PTPRD: variants seen among roughly 807,000 people sequenced by gnomAD.
PTPRD encodes the protein protein tyrosine phosphatase receptor type D.
In PTPRD, 34 loss-of-function variants were observed where a neutral mutation model predicts 214.5. The ratio of observed to expected loss-of-function variants is 0.16; its 90% CI spans 0.12 to 0.21. The LOEUF is 0.21. Among genes scored for constraint, PTPRD ranks in the 10% least tolerant of loss-of-function variants. The pLI, the probability that PTPRD is intolerant of heterozygous loss-of-function variation, is 1.00. For synonymous variants in PTPRD, 1,128 were observed against 845.7 expected, an observed-to-expected ratio of 1.33 and a Z score of -5.79; for missense variants, 2,545 against 2,398.7, an observed-to-expected ratio of 1.06 and a Z score of -1.27.
At chr9:9,097,364 G>A (rs2099785007) in intron 10 of PTPRD, among the ~76,000 whole-genome samples, 1 of 151,672 alleles carries the variant, frequency 6.6e-6, no homozygotes, top group Non-Finnish European at 1.5e-5. Context: ...CTGGAGGAAG[G>A]GTTTAAAGAG....
chr9:8,682,607 G>T (rs1205988884), intron 12 of PTPRD, among the ~76,000 whole-genome samples: 2 of 152,104 alleles, frequency 1.3e-5, no homozygotes, highest in Admixed American at 1.3e-4. Flanking sequence ...GCAATTTGTT[G>T]TTAGCAGTTA....
chr9:10,516,353 T>C (rs892236052), intron 2 of PTPRD, among the ~76,000 whole-genome samples: 1 of 151,974 alleles, frequency 6.6e-6, no homozygotes, highest in Admixed American at 6.6e-5. Flanking sequence ...ATATATCTGT[T>C]AGCCATTTTT....
chr9:9,576,777 T>C (rs927523260), intron 7 of PTPRD, among the ~76,000 whole-genome samples: 1 of 152,126 alleles, frequency 6.6e-6, no homozygotes, highest in Non-Finnish European at 1.5e-5. Context: ...AGCTTTAAGG[T>C]TTTAACATTA....
At chr9:10,539,477 G>A (rs971151185) in intron 2 of PTPRD, among the ~76,000 whole-genome samples, 2 of 152,250 alleles carry the variant, frequency 1.3e-5, no homozygotes, top group African/African-American at 2.4e-5. Context: ...GAGCCACCAC[G>A]CCTGGCCTGT....
chr9:10,329,102 T>A (rs1597246107), intron 3 of PTPRD, among the ~76,000 whole-genome samples: 1 of 151,938 alleles, frequency 6.6e-6, no homozygotes, highest in East Asian at 2.0e-4. Context: ...ATAGTTGTTT[T>A]TCTGTTGAAT....
At chr9:9,664,448 C>T (rs545539939) in intron 7 of PTPRD, among the ~76,000 whole-genome samples, 2 of 151,734 alleles carry the variant, frequency 1.3e-5, no homozygotes, top group South Asian at 4.1e-4. Context: ...TCGTAAGAAA[C>T]CAGATCTGAC....
intron 9 of PTPRD, among the ~76,000 whole-genome samples, chr9:9,226,949 G>A (rs75112722): frequency 0.025 from 3,731 of 151,970 alleles, 135 homozygotes; most frequent in African/African-American, 0.072. Flanking sequence ...TACTAAAGGA[G>A]GACTTTAATT....
chr9:9,875,001 G>C (rs2066455824), intron 5 of PTPRD, among the ~76,000 whole-genome samples: 1 of 152,108 alleles, frequency 6.6e-6, no homozygotes, highest in Non-Finnish European at 1.5e-5. Flanking sequence ...ACAATCACTT[G>C]TTTCCTGCTA....
intron 10 of PTPRD, among the ~76,000 whole-genome samples, chr9:9,107,215 C>T (rs2099799874): frequency 1.3e-5 from 2 of 152,072 alleles, no homozygotes; most frequent in South Asian, 4.1e-4. Flanking sequence ...AAAAGCCAGA[C>T]TTTGAAATAA....
At chr9:8,326,856 T>C (rs1229420705) in intron 44 of PTPRD, among the ~76,000 whole-genome samples, 28 of 147,560 alleles carry the variant, frequency 1.9e-4, no homozygotes, top group African/African-American at 6.4e-4. Context: ...GAGGTGTTGA[T>C]AGTATTCTCT....
At chr9:10,321,447 C>G (rs2096550791) in intron 3 of PTPRD, among the ~76,000 whole-genome samples, 1 of 151,590 alleles carries the variant, frequency 6.6e-6, no homozygotes, top group African/African-American at 2.4e-5. Context: ...ACTGAGGGGA[C>G]CAAAGAAACA....
chr9:8,931,995 G>A (rs2098956127), intron 11 of PTPRD, among the ~76,000 whole-genome samples: 1 of 152,162 alleles, frequency 6.6e-6, no homozygotes, highest in Non-Finnish European at 1.5e-5. Flanking sequence ...ATTTCTTTGG[G>A]ATCAGTGGTG....
intron 9 of PTPRD, among the ~76,000 whole-genome samples, chr9:9,214,815 A>G (rs2099951089): frequency 6.6e-6 from 1 of 152,148 alleles, no homozygotes; most frequent in African/African-American, 2.4e-5. Context: ...TAACTCATGT[A>G]GTTGTCTCAG....
chr9:9,594,323 G>A (rs999299888), intron 7 of PTPRD, among the ~76,000 whole-genome samples: 2 of 151,884 alleles, frequency 1.3e-5, no homozygotes, highest in Non-Finnish European at 2.9e-5. Flanking sequence ...TTGCTTTTGG[G>A]TTCTTGGTCA....
At chr9:9,649,601 G>A (rs1003366819) in intron 7 of PTPRD, among the ~76,000 whole-genome samples, 34 of 152,158 alleles carry the variant, frequency 2.2e-4, no homozygotes, top group African/African-American at 8.2e-4. Context: ...AAATATCACT[G>A]CCTTAGAGCA....
chr9:10,095,013 C>G (rs190592179), intron 3 of PTPRD, among the ~76,000 whole-genome samples: 2 of 151,242 alleles, frequency 1.3e-5, no homozygotes, highest in East Asian at 3.9e-4. Context: ...AACTTCTAAG[C>G]GGGGTATTAC....
intron 3 of PTPRD, among the ~76,000 whole-genome samples, chr9:10,169,217 G>A (rs2154295847): frequency 6.6e-6 from 1 of 152,232 alleles, no homozygotes; most frequent in East Asian, 1.9e-4. Flanking sequence ...GCTCACGCCT[G>A]TAATCCCAGC....
intron 11 of PTPRD, among the ~76,000 whole-genome samples, chr9:8,980,874 C>A (rs970503972): frequency 6.6e-6 from 1 of 152,044 alleles, no homozygotes; most frequent in African/African-American, 2.4e-5. Context: ...ATAAAAGAGA[C>A]CATGAACGGA....
chr9:8,996,075 T>A (rs530023337), intron 11 of PTPRD, among the ~76,000 whole-genome samples: 1 of 152,100 alleles, frequency 6.6e-6, no homozygotes, highest in Non-Finnish European at 1.5e-5. Context: ...ACATACACTT[T>A]ATATGCAACT....
Sources: allele counts gnomAD v4.1 joint callset (sites outside exome capture counted in the v4.1 genomes callset), GRCh38; gene constraint gnomAD v4.1.1; transcripts MANE v1.5; gene names NCBI Gene and HGNC (gene_info 2026-07-23, HGNC 2026-07-21).